Variants in SEC16B observed in about 807,000 individuals in gnomAD.
SEC16B encodes protein transport protein Sec16B.
SEC16B carries 115 observed loss-of-function variants against 141.8 expected under a neutral mutation model. The ratio of observed to expected loss-of-function variants is 0.81; its 90% CI spans 0.70 to 0.95. The LOEUF (loss-of-function observed/expected upper bound fraction) is 0.95, where lower values mean the gene tolerates loss of function less well. Among genes scored for constraint, SEC16B ranks in the 40% least tolerant of loss-of-function variants. SEC16B has a pLI of 0.00. For missense variants in SEC16B, 1,291 were observed against 1,312.3 expected, an observed-to-expected ratio of 0.98 and a Z score of 0.25; for synonymous variants, 493 against 492.5, an observed-to-expected ratio of 1.00 and a Z score of -0.01.
intron 22 of SEC16B, 87 bp from the exon 23 acceptor site, chr1:177,932,893 T>G (rs575707612): frequency 7.6e-7 from 1 of 1,315,172 alleles, no homozygotes; most frequent in East Asian, 2.5e-5. Context: ...ACACTCACGA[T>G]GGCGGCCTTG....
chr1:177,955,167 T>C (rs1395928792), intron 10 of SEC16B, among the ~76,000 whole-genome samples: 1 of 150,016 alleles, frequency 6.7e-6, no homozygotes, highest in Non-Finnish European at 1.5e-5. Flanking sequence ...TGAATGCATT[T>C]TGAATTGAAT....
rs1650517782 is a variant in SEC16B, at chr1:177,932,581, T to C, written c.2933-12A>G. The C allele has an allele frequency of 3.9e-6, 6 of 1,548,990 alleles. No homozygotes were observed. In the African/African-American group the frequency reaches 4.1e-5, roughly 11 times the overall value. ...GCCTTCACCCCCACCTGGAAAGTAATGAGGCAGAGCTGTTTCCTCTGCTCA... is the reference window on the plus strand; with the variant it reads ...GCCTTCACCCCCACCTGGAAAGTAACGAGGCAGAGCTGTTTCCTCTGCTCA... On this transcript the variant is annotated splice_polypyrimidine_tract_variant and intron_variant, in intron 23 of 25. Transcript: ENST00000308284.
rs374981056 is a variant in SEC16B, at chr1:177,979,854, G to A, written c.-59+4352C>T. Among the ~76,000 whole-genome samples, 164 of 152,168 alleles carry A rather than the reference G, an allele frequency of 1.1e-3. 1 individual carries two copies. Among genetic ancestry groups the A allele is most frequent in the African/African-American group, 3.4e-3 (142 of 41,508 alleles). ...CCTCCTTATAGAACCATCAGATCTCGTGAAACTTACTCACTATCATGAGAA... is the reference window on the plus strand; with the variant it reads ...CCTCCTTATAGAACCATCAGATCTCATGAAACTTACTCACTATCATGAGAA... On this transcript the variant is annotated intron_variant and NMD_transcript_variant, in intron 1 of 24. Transcript: ENST00000528461.
At chr1:177,954,207 C>A in intron 11 of SEC16B, 72 bp downstream of exon 11, 1 of 1,139,388 alleles carries the variant, frequency 8.8e-7, no homozygotes, top group Non-Finnish European at 1.3e-6. Flanking sequence ...CATTTCTCCA[C>A]ACCCTCATCC....
At chr1:177,954,189 G>T in intron 11 of SEC16B, 90 bp downstream of exon 11, 1 of 868,592 alleles carries the variant, frequency 1.2e-6, no homozygotes, top group Non-Finnish European at 1.9e-6. Context: ...TCTCCTTAGC[G>T]CGTCTGACAT....
intron 12 of SEC16B, chr1:177,948,253 G>A (rs2101941098): frequency 9.8e-7 from 1 of 1,023,138 alleles, no homozygotes; most frequent in Non-Finnish European, 1.3e-6. Flanking sequence ...CTGACCCCCA[G>A]ATAGCTAGAG....
chr1:177,963,496 G>A (rs1271322691), intron 5 of SEC16B, among the ~76,000 whole-genome samples: 1 of 152,032 alleles, frequency 6.6e-6, no homozygotes, highest in South Asian at 2.1e-4. Context: ...CCAGCTACTC[G>A]GGAGGCTGAG....
intron 14 of SEC16B, 109 bp from the exon 15 acceptor site, chr1:177,944,775 T>C: frequency 1.2e-6 from 1 of 866,838 alleles, no homozygotes; most frequent in Non-Finnish European, 1.8e-6. Flanking sequence ...GGAGTTTCCA[T>C]CCTGGGCTGA....
At chr1:177,961,017 A>G in intron 6 of SEC16B, 78 bp from the exon 7 acceptor site, 1 of 1,521,102 alleles carries the variant, frequency 6.6e-7, no homozygotes, top group Non-Finnish European at 9.0e-7. Context: ...TATGCCACAG[A>G]TGTATTTCTG....
chr1:177,978,224 A>G (rs893942648), intron 1 of SEC16B, among the ~76,000 whole-genome samples: 5 of 152,234 alleles, frequency 3.3e-5, no homozygotes, highest in Admixed American at 3.3e-4. Flanking sequence ...TGAGTGTATA[A>G]TAATGAATAT....
chr1:177,931,579 T>C (rs1344496744), intron 24 of SEC16B, among the ~76,000 whole-genome samples: 1 of 152,192 alleles, frequency 6.6e-6, no homozygotes, highest in Non-Finnish European at 1.5e-5. Flanking sequence ...CAAAAGCTAC[T>C]GAAATGTTTT....
chr1:177,960,406 G>A lies in SEC16B; in HGVS notation c.937-3C>T, dbSNP rs1429711256. ...TCTTCGGAATCATTAAGAATAACCT[G>A]GAATAAAACAATCAGATTTTGTGTT... On this transcript the variant is annotated splice_region_variant and splice_polypyrimidine_tract_variant and intron_variant, in intron 7 of 25. Coordinates refer to ENST00000308284, the MANE Select transcript of SEC16B (RefSeq NM_033127.4). 5.7e-6 allele frequency: 9 copies of A among 1,587,902 alleles called. No individual in the cohort carries two copies. The highest frequency in any genetic ancestry group is 2.3e-5 in the East Asian group (1 of 44,386).
At chr1:177,943,401 C>G (rs1651429099) in intron 15 of SEC16B, among the ~76,000 whole-genome samples, 1 of 152,172 alleles carries the variant, frequency 6.6e-6, no homozygotes, top group Non-Finnish European at 1.5e-5. Context: ...AACAAACCTG[C>G]ACATTCAGCA....
chr1:177,933,150 G>A (rs1279559094), intron 22 of SEC16B, 64 bp downstream of exon 22: 2 of 1,335,496 alleles, frequency 1.5e-6, no homozygotes, highest in East Asian at 5.0e-5. Flanking sequence ...GCTCCTAGGT[G>A]CTGAGGCAGC....
At chr1:177,937,873 C>G (rs1650977636) in intron 18 of SEC16B, among the ~76,000 whole-genome samples, 1 of 152,024 alleles carries the variant, frequency 6.6e-6, no homozygotes, top group African/African-American at 2.4e-5. Flanking sequence ...CATTATACCC[C>G]CTCTCTTTTG....
chr1:177,948,376 G>A (rs1298389019), intron 12 of SEC16B: 1 of 1,305,176 alleles, frequency 7.7e-7, no homozygotes, highest in Non-Finnish European at 1.0e-6. Context: ...ACACGGGCCT[G>A]CTTAATGTCT....
upstream of SEC16B, chr1:177,971,406 G>C (rs1331678615): frequency 6.6e-6 from 1 of 152,106 alleles, no homozygotes; most frequent in Non-Finnish European, 1.5e-5. Flanking sequence ...CTCACTCTTG[G>C]GCTGTGAAGT....
At chr1:177,938,711 AC>A (rs1651050410) in intron 18 of SEC16B, among the ~76,000 whole-genome samples, 1 of 152,096 alleles carries the variant, frequency 6.6e-6, no homozygotes, top group Non-Finnish European at 1.5e-5. Flanking sequence ...CTAACTCCAC[AC>A]CTTTTTATTT....
chr1:177,956,612 A>C (rs1358025946), intron 10 of SEC16B, among the ~76,000 whole-genome samples: 1 of 152,112 alleles, frequency 6.6e-6, no homozygotes, highest in Non-Finnish European at 1.5e-5. Flanking sequence ...CAAATACTTA[A>C]ATTTTTATGA....
Sources: gnomAD v4.1 joint callset for allele counts (sites outside exome capture counted in the v4.1 genomes callset) on GRCh38, gnomAD v4.1.1 for gene constraint, MANE v1.5 for transcripts, NCBI Gene and HGNC (gene_info 2026-07-23, HGNC 2026-07-21) for gene names.